The following BRAF variants were observed in gnomAD, a reference collection of about 807,000 sequenced individuals.
The protein encoded by BRAF is serine/threonine-protein kinase B-raf.
In BRAF, 16 loss-of-function variants were observed where a neutral mutation model predicts 104.6. The ratio of observed to expected loss-of-function variants is 0.15; its 90% confidence interval spans 0.10 to 0.23. BRAF has a LOEUF of 0.23. BRAF is among the 10% of genes least tolerant of loss of function. The pLI, the probability that BRAF is intolerant of heterozygous loss-of-function variation, is 1.00. For synonymous variants in BRAF, 310 were observed against 341.6 expected, an observed-to-expected ratio of 0.91 and a Z score of 1.02; for missense variants, 541 against 937.3, an observed-to-expected ratio of 0.58 and a Z score of 5.52.
intron 3 of BRAF, among the ~76,000 whole-genome samples, chr7:140,818,357 G>C (rs1006698750): frequency 6.7e-6 from 1 of 148,856 alleles, no homozygotes; most frequent in African/African-American, 2.5e-5. Context: ...CTGTTGCCCA[G>C]CCTGGAGTGC....
At position 140,726,060 on chromosome 7, in the gene BRAF, A is replaced by G. The variant is rs570433469; in HGVS notation, c.*434T>C. The G allele has an allele frequency of 9.3e-7, 1 of 1,075,846 alleles. No individual in the cohort carries two copies. Among genetic ancestry groups the G allele is most frequent in the African/African-American group, 1.6e-5 (1 of 61,490 alleles). The allele number at this position is 1,075,846 out of a possible 1,614,324, so 66.6% of individuals were successfully genotyped here. A position where few individuals can be genotyped will look rare whatever the true frequency, so the allele number is the denominator to read the frequency against. On this transcript the variant is annotated 3_prime_UTR_variant, in exon 20 of 20. Coordinates refer to ENST00000644969, the MANE Select transcript of BRAF (RefSeq NM_001374258.1). ...AAAACAAAATTCCAGAACAGGAAAG[A>G]GAACGATGCTTGGTGATTGAAACTG...
intron 1 of BRAF, among the ~76,000 whole-genome samples, chr7:140,885,771 T>C (rs1375423760): frequency 3.9e-5 from 6 of 152,178 alleles, no homozygotes; most frequent in African/African-American, 1.4e-4. Context: ...AGAAGATAAA[T>C]GGGCAATATC....
At chr7:140,853,936 A>C (rs1010022242) in intron 1 of BRAF, among the ~76,000 whole-genome samples, 2 of 152,154 alleles carry the variant, frequency 1.3e-5, no homozygotes, top group African/African-American at 4.8e-5. Context: ...AACAGTGCCT[A>C]GCATACAATA....
At chr7:140,863,410 G>A (rs1410089948) in intron 1 of BRAF, among the ~76,000 whole-genome samples, 4 of 152,198 alleles carry the variant, frequency 2.6e-5, no homozygotes, top group African/African-American at 9.7e-5. Flanking sequence ...AATATGCCAG[G>A]TTATGAAGGA....
intron 7 of BRAF, 116 bp downstream of exon 7, chr7:140,800,246 G>A (rs1453182949): frequency 2.7e-6 from 4 of 1,502,278 alleles, no homozygotes; most frequent in South Asian, 1.2e-5. Flanking sequence ...AAGTTATTTG[G>A]GGAAAAAGTC....
chr7:140,872,278 T>C (rs17133505), intron 1 of BRAF, among the ~76,000 whole-genome samples: 12,339 of 151,672 alleles, frequency 0.081, 1,644 homozygotes, highest in African/African-American at 0.28. Context: ...AAAATGTCTG[T>C]TGAAATAAAC....
In BRAF at chr7:140,782,738, T is replaced by C. The variant is rs182084856; in HGVS notation, c.1434+283A>G. Among the ~76,000 whole-genome samples, 167 of 152,270 alleles carry C rather than the reference T, an allele frequency of 1.1e-3. 1 individual carries two copies. The highest frequency in any genetic ancestry group is 3.8e-3 in the African/African-American group (157 of 41,558). Reference sequence around the variant, plus strand: ...AAATATCTGAATTCTGGACCAGCCTTTTCGTGCCTTCTAATATTAGCTTTC... The same window carrying C: ...AAATATCTGAATTCTGGACCAGCCTCTTCGTGCCTTCTAATATTAGCTTTC... On this transcript the variant is annotated intron_variant, in intron 11 of 19. Coordinates refer to ENST00000644969, the MANE Select transcript of BRAF (RefSeq NM_001374258.1).
At chr7:140,801,948 CG>C (rs1392614913) in intron 5 of BRAF, among the ~76,000 whole-genome samples, 1 of 151,936 alleles carries the variant, frequency 6.6e-6, no homozygotes, top group Non-Finnish European at 1.5e-5. Context: ...CTGGTGTTGA[CG>C]GAACAAGAAA....
At chr7:140,857,092 T>C (rs558390119) in intron 1 of BRAF, among the ~76,000 whole-genome samples, 2 of 152,294 alleles carry the variant, frequency 1.3e-5, no homozygotes, top group African/African-American at 4.8e-5. Context: ...TGATTAAGTA[T>C]TGTGAAACAG....
chr7:140,923,706 T>A (rs1463707165), intron 1 of BRAF, among the ~76,000 whole-genome samples: 1 of 152,122 alleles, frequency 6.6e-6, no homozygotes, highest in Non-Finnish European at 1.5e-5. Flanking sequence ...CTCCAAAGTG[T>A]CCAGGAGGAT....
chr7:140,850,945 T>A (rs1277257342), intron 1 of BRAF, among the ~76,000 whole-genome samples: 1 of 152,198 alleles, frequency 6.6e-6, no homozygotes, highest in African/African-American at 2.4e-5. Context: ...CCACCTCAAA[T>A]ACTACTAAGA....
chr7:140,749,632 T>C (rs1217452979), intron 16 of BRAF, among the ~76,000 whole-genome samples: 3 of 152,332 alleles, frequency 2.0e-5, no homozygotes, highest in Non-Finnish European at 2.9e-5. Context: ...AGATTTTGTA[T>C]TGTATTACTA....
intron 14 of BRAF, among the ~76,000 whole-genome samples, chr7:140,772,797 G>A (rs1014852922): frequency 7.2e-5 from 11 of 151,984 alleles, no homozygotes; most frequent in Non-Finnish European, 1.6e-4. Context: ...TGTCCCTTCC[G>A]AATTATGTTG....
chr7:140,906,124 A>G (rs1010728665), intron 1 of BRAF, among the ~76,000 whole-genome samples: 6 of 150,366 alleles, frequency 4.0e-5, no homozygotes, highest in Non-Finnish European at 8.9e-5. Flanking sequence ...TAAAACATAT[A>G]ATTTATCAAG....
At position 140,723,218 on chromosome 7, in the gene BRAF, C is replaced by T. The variant is rs186480635; in HGVS notation, c.*3276G>A. 24 of 1,054,158 alleles carry T rather than the reference C, an allele frequency of 2.3e-5. No individual in the cohort carries two copies. The highest frequency in any genetic ancestry group is 2.2e-4 in the Admixed American group (4 of 18,280). 65.3% of individuals were successfully genotyped at this position (1,054,158 alleles called of 1,614,324 possible). On this transcript the variant is annotated 3_prime_UTR_variant, in exon 20 of 20. Coordinates refer to ENST00000644969, the MANE Select transcript of BRAF (RefSeq NM_001374258.1). The stretch of plus-strand genomic sequence containing the variant: ...GGAGGATGTGCAGCAGCTCGCACTC[C>T]GCCTGGTGAATACAAGGTAACATCC...
intron 14 of BRAF, among the ~76,000 whole-genome samples, chr7:140,757,688 A>T (rs1033847317): frequency 2.0e-5 from 3 of 152,188 alleles, no homozygotes; most frequent in Non-Finnish European, 2.9e-5. Context: ...ATTTTTCTTT[A>T]ATAAAACATA....
chr7:140,884,491 T>A (rs1291278986), intron 1 of BRAF, among the ~76,000 whole-genome samples: 1 of 145,868 alleles, frequency 6.9e-6, no homozygotes, highest in African/African-American at 2.5e-5. Context: ...AAATATAATT[T>A]TTTTTTTTGA....
At position 140,803,364 on chromosome 7, in the gene BRAF, T is replaced by C. The variant is rs578216168; in HGVS notation, c.712-1804A>G. 1.7e-4 allele frequency among the ~76,000 whole-genome samples: 26 copies of C among 152,216 alleles called. 1 individual carries two copies. Among genetic ancestry groups the C allele is most frequent in the African/African-American group, 6.0e-4 (25 of 41,540 alleles). The stretch of plus-strand genomic sequence containing the variant: ...GAGACTATAAATACAATCTACATAA[T>C]AGCTAAAACAAAAACAAAAACAAAA... On this transcript the variant is annotated intron_variant, in intron 5 of 19. Transcript: ENST00000644969.
At chr7:140,795,581 G>T (rs1173128950) in intron 7 of BRAF, among the ~76,000 whole-genome samples, 2 of 152,186 alleles carry the variant, frequency 1.3e-5, no homozygotes, top group Non-Finnish European at 2.9e-5. Context: ...AATGAATAAA[G>T]GTTTGAAGAG....
Sources: allele counts gnomAD v4.1 joint callset (sites outside exome capture counted in the v4.1 genomes callset), GRCh38; gene constraint gnomAD v4.1.1; transcripts MANE v1.5; gene names NCBI Gene and HGNC (gene_info 2026-07-23, HGNC 2026-07-21).